Variants in APLP2 observed in about 807,000 individuals in gnomAD.
APLP2 encodes the protein CDEI box-binding protein.
APLP2 carries 53 observed loss-of-function variants against 89.9 expected under a neutral mutation model. That is an observed-to-expected ratio of 0.59 (90% CI 0.47 to 0.74). The LOEUF (loss-of-function observed/expected upper bound fraction) is 0.74, where lower values mean the gene tolerates loss of function less well. Among genes scored for constraint, APLP2 ranks in the 30% least tolerant of loss-of-function variants. APLP2 has a pLI of 0.00. For missense variants in APLP2, 973 were observed against 975.9 expected (o/e 1.00, Z 0.04); for synonymous variants, 372 against 348.6 (o/e 1.07, Z -0.75).
chr11:130,137,447 AT>A (rs1475343219), intron 13 of APLP2, among the ~76,000 whole-genome samples: 1 of 152,106 alleles, frequency 6.6e-6, no homozygotes, highest in African/African-American at 2.4e-5. Context: ...CCCCACCTCC[AT>A]GTTGCTGACA....
intron 1 of APLP2, 163 bp from the exon 2 acceptor site, chr11:130,109,264 CTT>C: frequency 1.8e-6 from 1 of 546,368 alleles, no homozygotes. Context: ...CCAGAAGTCA[CTT>C]TTTATTCTGT....
Position 130,090,016 on chromosome 11 carries a change from A to G in APLP2, c.106-19413A>G, listed in dbSNP as rs537349991. On this transcript the variant is annotated intron_variant, in intron 1 of 16. Coordinates refer to ENST00000338167, the MANE Select transcript of APLP2 (RefSeq NM_001142276.2). ...TGAAATTTGAGGCCCTATTCAACCT[A>G]TAAGACCCAGTGGCTAGTGTGTTGA... 5.3e-5 allele frequency among the ~76,000 whole-genome samples: 8 copies of G among 152,354 alleles called. No individual in the cohort carries two copies. The East Asian group carries it at 1.3e-3, about 26-fold the overall frequency.
At chr11:130,072,734 C>T (rs1409123523) in intron 1 of APLP2, among the ~76,000 whole-genome samples, 1 of 152,204 alleles carries the variant, frequency 6.6e-6, no homozygotes, top group Non-Finnish European at 1.5e-5. Context: ...GCCTCGGCCT[C>T]CCAAAGTGCT....
In APLP2 at chr11:130,123,796, G is replaced by T; in HGVS notation, c.1090+17G>T. ...AAGCGATGAGTAAGTCCTGCCTCGC[G>T]CTGGTCCCGTGCGGCAGCACCGTCC... On this transcript the variant is annotated intron_variant, in intron 7 of 16. Coordinates refer to ENST00000338167, the MANE Select transcript of APLP2 (RefSeq NM_001142276.2). The surrounding 1 kb of genome is among the most constrained non-coding windows in gnomAD (Gnocchi z 4.0). The T allele has an allele frequency of 1.2e-6, 2 of 1,612,178 alleles. No individual in the cohort carries two copies.
chr11:130,112,292 A>G (rs1019132777), intron 3 of APLP2, among the ~76,000 whole-genome samples: 1 of 152,224 alleles, frequency 6.6e-6, no homozygotes, highest in Non-Finnish European at 1.5e-5. Flanking sequence ...TGATGACTTC[A>G]TATCTCTGTG....
At chr11:130,136,177 C>T (rs1370793410) in intron 13 of APLP2, among the ~76,000 whole-genome samples, 1 of 152,126 alleles carries the variant, frequency 6.6e-6, no homozygotes, top group East Asian at 1.9e-4. Flanking sequence ...ACGTTCTTTC[C>T]TCTATTCCCC....
intron 1 of APLP2, among the ~76,000 whole-genome samples, chr11:130,102,615 G>A (rs1565570865): frequency 6.6e-6 from 1 of 152,210 alleles, no homozygotes; most frequent in Non-Finnish European, 1.5e-5. Flanking sequence ...GGAGTGAGAG[G>A]ACTGCCTGGT....
intron 6 of APLP2, among the ~76,000 whole-genome samples, 186 bp downstream of exon 6, chr11:130,122,699 C>T (rs1949958017): frequency 1.3e-5 from 2 of 152,310 alleles, no homozygotes; most frequent in South Asian, 4.1e-4. Flanking sequence ...GGCAGGCAGG[C>T]ACATCCAGGG....
At chr11:130,109,350 C>G in intron 1 of APLP2, 79 bp from the exon 2 acceptor site, 1 of 1,301,580 alleles carries the variant, frequency 7.7e-7, no homozygotes, top group Non-Finnish European at 1.1e-6. Context: ...AAGATGCATT[C>G]TGTCACATAG....
intron 1 of APLP2, among the ~76,000 whole-genome samples, chr11:130,091,696 C>T (rs879024686): frequency 3.4e-4 from 45 of 132,572 alleles, no homozygotes; most frequent in African/African-American, 1.2e-3. Flanking sequence ...ACCTCCCGGA[C>T]GGGGCGGCTG....
intron 3 of APLP2, among the ~76,000 whole-genome samples, chr11:130,116,467 C>A (rs894509687): frequency 2.0e-5 from 3 of 152,130 alleles, no homozygotes; most frequent in African/African-American, 7.2e-5. Context: ...CTAGTTATTT[C>A]CTTAGGGTGT....
intron 13 of APLP2, among the ~76,000 whole-genome samples, chr11:130,136,341 A>G (rs1951599018): frequency 6.6e-6 from 1 of 152,202 alleles, no homozygotes; most frequent in South Asian, 2.1e-4. Context: ...AATGGCCCAC[A>G]GCTATGCCGT....
At position 130,123,004 on chromosome 11, in the gene APLP2, T is replaced by TC. The variant is rs57890041; in HGVS notation, c.922+492dup. Among the ~76,000 whole-genome samples, 2 of 152,124 alleles carry TC rather than the reference T, an allele frequency of 1.3e-5. No individual in the cohort carries two copies. Among genetic ancestry groups the TC allele is most frequent in the African/African-American group, 2.4e-5 (1 of 41,410 alleles). On this transcript the variant is annotated intron_variant, in intron 6 of 16. Transcript: ENST00000338167. This position sits in a 1 kb window ranked among gnomAD's most constrained non-coding sequence, Gnocchi z 4.0. ...ATTGGGGCCTGCAGTTTTTTTTTTTTCTCATCTTGCCAATTAAAACACGAA... is the reference window on the plus strand; with the variant it reads ...ATTGGGGCCTGCAGTTTTTTTTTTTTCCTCATCTTGCCAATTAAAACACGAA...
chr11:130,141,655 C>T lies in APLP2; in HGVS notation c.1998+83C>T, dbSNP rs1220630131. 6 of 1,257,618 alleles carry T rather than the reference C, an allele frequency of 4.8e-6. No individual in the cohort carries two copies. The Admixed American group carries it at 5.6e-5, about 12-fold the overall frequency. 77.9% of individuals were successfully genotyped at this position (1,257,618 alleles called of 1,614,324 possible). ...GGACCTTCTCAGTTCAAGTAGAAAACGGGAGAGATGCCTGAGCTAATAAGG... is the reference window on the plus strand; with the variant it reads ...GGACCTTCTCAGTTCAAGTAGAAAATGGGAGAGATGCCTGAGCTAATAAGG... On this transcript the variant is annotated intron_variant, in intron 15 of 16. Transcript: ENST00000338167. This position sits in a 1 kb window ranked among gnomAD's most constrained non-coding sequence, Gnocchi z 4.2.
At chr11:130,111,824 G>A (rs997584909) in intron 3 of APLP2, among the ~76,000 whole-genome samples, 2 of 152,102 alleles carry the variant, frequency 1.3e-5, no homozygotes, top group Non-Finnish European at 2.9e-5. Flanking sequence ...TCATTTGCTC[G>A]TTAAAAAAGT....
chr11:130,109,727 C>T, intron 2 of APLP2, 125 bp downstream of exon 2: 1 of 1,072,902 alleles, frequency 9.3e-7, no homozygotes, highest in Non-Finnish European at 1.3e-6. Context: ...TGACTGGAGC[C>T]CCAAGCCTTT....
intron 7 of APLP2, among the ~76,000 whole-genome samples, chr11:130,124,748 G>C (rs1950190041): frequency 6.6e-6 from 1 of 152,156 alleles, no homozygotes; most frequent in Non-Finnish European, 1.5e-5. Flanking sequence ...GCAGTGCCTT[G>C]AGTGCTTCCC....
At chr11:130,102,272 T>C (rs1947038993) in intron 1 of APLP2, among the ~76,000 whole-genome samples, 1 of 152,238 alleles carries the variant, frequency 6.6e-6, no homozygotes, top group Non-Finnish European at 1.5e-5. Context: ...TGACTTTTCC[T>C]TAAAAAAGGT....
intron 1 of APLP2, among the ~76,000 whole-genome samples, chr11:130,072,726 C>T (rs1435406085): frequency 6.6e-6 from 1 of 152,192 alleles, no homozygotes; most frequent in African/African-American, 2.4e-5. Context: ...ATCCACCTGC[C>T]TCGGCCTCCC....
Sources: allele counts gnomAD v4.1 joint callset (sites outside exome capture counted in the v4.1 genomes callset), GRCh38; gene constraint gnomAD v4.1.1; non-coding constraint Gnocchi (gnomAD v3.1); transcripts MANE v1.5; gene names NCBI Gene and HGNC (gene_info 2026-07-23, HGNC 2026-07-21).